Variants in SGCZ observed in about 807,000 individuals in gnomAD.
SGCZ encodes sarcoglycan zeta, also known as zeta-sarcoglycan.
Under a neutral mutation model 41.3 loss-of-function variants are expected in SGCZ, and 40 were observed. The observed-to-expected ratio is 0.97, with a 90% CI of 0.75 to 1.26. The LOEUF is 1.26. Ranked by LOEUF, SGCZ falls within the 50% of genes most tolerant of loss-of-function variation. The probability of loss-of-function intolerance (pLI) is 0.00; values close to 1 mark genes in which losing one functional copy is unlikely to be tolerated. For synonymous variants in SGCZ, 206 were observed against 137.5 expected, an observed-to-expected ratio of 1.50 and a Z score of -3.49; for missense variants, 552 against 369.8, an observed-to-expected ratio of 1.49 and a Z score of -4.04.
At chr8:14,166,869 A>C (rs2116990127) in intron 4 of SGCZ, among the ~76,000 whole-genome samples, 1 of 152,306 alleles carries the variant, frequency 6.6e-6, no homozygotes, top group Non-Finnish European at 1.5e-5. Context: ...AAGGCAAATA[A>C]GCAAACAAGA....
chr8:14,877,753 A>G (rs1303204791), intron 1 of SGCZ, among the ~76,000 whole-genome samples: 1 of 152,152 alleles, frequency 6.6e-6, no homozygotes, highest in African/African-American at 2.4e-5. Flanking sequence ...GAGCTTCCAA[A>G]GCATTCATTT....
chr8:14,266,870 T>C (rs1799887528), intron 3 of SGCZ, among the ~76,000 whole-genome samples: 1 of 152,034 alleles, frequency 6.6e-6, no homozygotes, highest in African/African-American at 2.4e-5. Context: ...ATCCAAGTCA[T>C]TATAACCACA....
At chr8:14,459,252 C>T (rs1401145330) in intron 2 of SGCZ, among the ~76,000 whole-genome samples, 4 of 151,840 alleles carry the variant, frequency 2.6e-5, no homozygotes, top group Non-Finnish European at 5.9e-5. Flanking sequence ...GAACACCACA[C>T]ACCGGGGCCT....
intron 2 of SGCZ, among the ~76,000 whole-genome samples, chr8:14,399,384 C>T (rs1799008814): frequency 6.6e-6 from 1 of 152,092 alleles, no homozygotes; most frequent in Non-Finnish European, 1.5e-5. Context: ...TTCAATAGTG[C>T]CTGCCATGGA....
At chr8:14,697,186 T>C (rs532480408) in intron 1 of SGCZ, among the ~76,000 whole-genome samples, 1 of 152,162 alleles carries the variant, frequency 6.6e-6, no homozygotes, top group Admixed American at 6.6e-5. Flanking sequence ...CAGTTTTTAG[T>C]GTGGCCAGGT....
In SGCZ at chr8:14,728,446, G is replaced by C. The variant is rs550418033; in HGVS notation, c.40-173520C>G. The stretch of plus-strand genomic sequence containing the variant: ...GTAAAAAGCAAACAAAAATATCTTT[G>C]ACAATGATCGTCAAATAAACAAATA... On this transcript the variant is annotated intron_variant, in intron 1 of 7. Coordinates refer to ENST00000382080, the MANE Select transcript of SGCZ (RefSeq NM_139167.4). Among the ~76,000 whole-genome samples the C allele has an allele frequency of 8.0e-5, 12 of 149,900 alleles. No individual in the cohort carries two copies. The East Asian group carries it at 1.9e-3, about 24-fold the overall frequency.
intron 4 of SGCZ, among the ~76,000 whole-genome samples, chr8:14,219,711 C>G (rs1374474156): frequency 6.6e-6 from 1 of 151,694 alleles, no homozygotes; most frequent in East Asian, 2.0e-4. Context: ...CGCACCACTG[C>G]ACTCCAGCCT....
chr8:15,106,012 T>C (rs1806811227), intron 1 of SGCZ, among the ~76,000 whole-genome samples: 1 of 152,202 alleles, frequency 6.6e-6, no homozygotes, highest in Non-Finnish European at 1.5e-5. Context: ...TCTTGACTAG[T>C]TCTGGTTTTA....
chr8:14,475,908 T>C (rs1801344014), intron 2 of SGCZ, among the ~76,000 whole-genome samples: 1 of 152,082 alleles, frequency 6.6e-6, no homozygotes, highest in African/African-American at 2.4e-5. Flanking sequence ...TCATCACAGC[T>C]CACTGTCACC....
chr8:14,514,979 G>C lies in SGCZ; in HGVS notation c.234+39753C>G, dbSNP rs1032520962. The stretch of plus-strand genomic sequence containing the variant: ...ACAGCATCCAATTCCGATTATAATT[G>C]CTTGTTTTCTAAGACAAAATATTAA... On this transcript the variant is annotated intron_variant, in intron 2 of 7. Transcript: ENST00000382080. Among the ~76,000 whole-genome samples, 6 of 151,878 alleles carry C rather than the reference G, an allele frequency of 4.0e-5. No homozygotes were observed. In the South Asian group the frequency reaches 1.2e-3, roughly 32 times the overall value.
At position 14,712,011 on chromosome 8, in the gene SGCZ, G is replaced by T. The variant is rs546838207; in HGVS notation, c.40-157085C>A. On this transcript the variant is annotated intron_variant, in intron 1 of 7. Transcript: ENST00000382080. ...AGGCCAGGCGTGGTGGCTCATGCCTGTAATCCCAGCACTTTTGGAGGCTGA... is the reference window on the plus strand; with the variant it reads ...AGGCCAGGCGTGGTGGCTCATGCCTTTAATCCCAGCACTTTTGGAGGCTGA... 1.2e-3 allele frequency among the ~76,000 whole-genome samples: 189 copies of T among 152,246 alleles called. 4 individuals are homozygous for T. Among genetic ancestry groups the T allele is most frequent in the African/African-American group, 4.4e-3 (182 of 41,540 alleles).
intron 2 of SGCZ, among the ~76,000 whole-genome samples, chr8:14,410,380 T>A (rs1193714763): frequency 6.9e-6 from 1 of 145,488 alleles, no homozygotes; most frequent in African/African-American, 2.7e-5. Context: ...AAAAGTAACT[T>A]ACTTTGTTCA....
chr8:14,586,984 A>G (rs145609526), intron 1 of SGCZ, among the ~76,000 whole-genome samples: 13 of 152,186 alleles, frequency 8.5e-5, no homozygotes, highest in African/African-American at 2.9e-4. Context: ...TACTCTTTGG[A>G]AAGTCATATT....
At chr8:14,938,875 A>AT (rs2130817060) in intron 1 of SGCZ, among the ~76,000 whole-genome samples, 1 of 151,796 alleles carries the variant, frequency 6.6e-6, no homozygotes, top group African/African-American at 2.4e-5. Context: ...TTTTCCAAGT[A>AT]TTTTTGTATC....
At chr8:14,144,377 G>C (rs111810416) in intron 5 of SGCZ, among the ~76,000 whole-genome samples, 4 of 152,322 alleles carry the variant, frequency 2.6e-5, no homozygotes, top group African/African-American at 9.6e-5. Flanking sequence ...CCCTGGGCCA[G>C]AAGGGAATCC....
chr8:14,844,773 C>A (rs1410208174), intron 1 of SGCZ, among the ~76,000 whole-genome samples: 1 of 152,148 alleles, frequency 6.6e-6, no homozygotes, highest in East Asian at 1.9e-4. Flanking sequence ...CTCCCTGAAA[C>A]AATCAACAGA....
intron 1 of SGCZ, among the ~76,000 whole-genome samples, chr8:15,068,562 T>A (rs1449726374): frequency 4.6e-5 from 7 of 152,160 alleles, no homozygotes; most frequent in African/African-American, 1.7e-4. Flanking sequence ...GCCAAAAAAA[T>A]ATCAAACAGC....
intron 1 of SGCZ, among the ~76,000 whole-genome samples, chr8:15,048,269 C>T (rs1804384748): frequency 6.6e-6 from 1 of 151,862 alleles, no homozygotes; most frequent in South Asian, 2.1e-4. Flanking sequence ...TATGTGGGAG[C>T]TAGATAAGTG....
intron 1 of SGCZ, among the ~76,000 whole-genome samples, chr8:15,235,264 A>G (rs2117217479): frequency 6.6e-6 from 1 of 152,302 alleles, no homozygotes; most frequent in East Asian, 1.9e-4. Context: ...TTTCAGAAGG[A>G]TTCCACAGCC....
Sources: gnomAD v4.1 joint callset for allele counts (sites outside exome capture counted in the v4.1 genomes callset) on GRCh38, gnomAD v4.1.1 for gene constraint, MANE v1.5 for transcripts, NCBI Gene and HGNC (gene_info 2026-07-23, HGNC 2026-07-21) for gene names.